SRPX: variants seen among roughly 807,000 people sequenced by gnomAD.
SRPX encodes sushi repeat containing protein X-linked, also known as sushi repeat-containing protein SRPX.
SRPX carries 24 observed loss-of-function variants against 38.1 expected under a neutral mutation model. The ratio of observed to expected loss-of-function variants is 0.63; its 90% CI spans 0.46 to 0.89. SRPX has a LOEUF of 0.89. SRPX is among the 40% of genes least tolerant of loss of function. The probability of loss-of-function intolerance (pLI) is 0.00; values close to 1 mark genes in which losing one functional copy is unlikely to be tolerated. For missense variants in SRPX, 416 were observed against 377.8 expected (o/e 1.10, Z -0.84); for synonymous variants, 184 against 153.8 (o/e 1.20, Z -1.45).
intron 4 of SRPX, among the ~76,000 whole-genome samples, chrX:38,169,362 G>GT (rs1372533457): frequency 2.7e-5 from 3 of 111,789 alleles, no homozygotes; most frequent in Non-Finnish European, 5.6e-5. Flanking sequence ...GGGTCATTGG[G>GT]TAAACCAGCT....
chrX:38,183,014 A>G (rs767387187), intron 1 of SRPX, among the ~76,000 whole-genome samples: 1 of 110,950 alleles, frequency 9.0e-6, no homozygotes, highest in South Asian at 3.8e-4. Flanking sequence ...ATATAAACTG[A>G]TACACAAATG....
chrX:38,183,274 G>A (rs113297652), intron 1 of SRPX, among the ~76,000 whole-genome samples: 1,340 of 111,409 alleles, frequency 0.012, 29 homozygotes, highest in African/African-American at 0.042. Context: ...GGCTGGTCTC[G>A]AACTAGTGAC....
At position 38,161,040 on chromosome X, in the gene SRPX, C is replaced by T. The variant is rs1341594907; in HGVS notation, c.668G>A (p.Gly223Asp). ...TGGAAAGTTGGAGCCTGGGGGGAGGCCTTTTAGAATGACACTTAGAGAAAA... is the reference window on the plus strand; with the variant it reads ...TGGAAAGTTGGAGCCTGGGGGGAGGTCTTTTAGAATGACACTTAGAGAAAA... ...DGILTDVILKGLPPGSNFPEG... is the reference protein window; with the variant it reads ...DGILTDVILKDLPPGSNFPEG... Residue 223 changes from glycine (G) to aspartate (D), a missense_variant, in exon 6 of 10, where the codon GGC becomes GAC. Gly to Asp is a moderately conservative substitution (Grantham distance 94). Coordinates refer to ENST00000378533, the MANE Select transcript of SRPX (RefSeq NM_006307.5). The T allele has an allele frequency of 9.1e-6, 11 of 1,206,373 alleles. No individual in the cohort carries two copies. The highest frequency in any genetic ancestry group is 3.0e-5 in the East Asian group (1 of 33,706).
intron 1 of SRPX, among the ~76,000 whole-genome samples, chrX:38,216,376 A>T (rs1442841654): frequency 8.8e-6 from 1 of 113,308 alleles, no homozygotes; most frequent in African/African-American, 3.2e-5. Flanking sequence ...ATGCTTCATC[A>T]TTCAGTGTTC....
At chrX:38,204,637 CT>C (rs1366416490) in intron 1 of SRPX, among the ~76,000 whole-genome samples, 4 of 111,360 alleles carry the variant, frequency 3.6e-5, no homozygotes, top group African/African-American at 6.5e-5. Context: ...TTCATCCAAG[CT>C]TTTTTTTCCC....
chrX:38,213,818 G>A (rs1412344996), intron 1 of SRPX, among the ~76,000 whole-genome samples: 1 of 111,741 alleles, frequency 8.9e-6, no homozygotes, highest in Admixed American at 9.5e-5. Context: ...GAGCAGGAGC[G>A]AGAGAGAGGA....
chrX:38,192,011 A>G (rs1415079952), intron 1 of SRPX, among the ~76,000 whole-genome samples: 1 of 111,775 alleles, frequency 8.9e-6, no homozygotes, highest in African/African-American at 3.3e-5. Flanking sequence ...TCATGGGGAA[A>G]CCTCAGGCAG....
At chrX:38,183,552 A>C (rs1006800219) in intron 1 of SRPX, among the ~76,000 whole-genome samples, 2 of 111,798 alleles carry the variant, frequency 1.8e-5, no homozygotes, top group African/African-American at 6.5e-5. Flanking sequence ...GTACTTACTA[A>C]AGCAGCAGAG....
chrX:38,198,752 G>C (rs1266252345), intron 1 of SRPX, among the ~76,000 whole-genome samples: 1 of 111,715 alleles, frequency 9.0e-6, no homozygotes, highest in Non-Finnish European at 1.9e-5. Context: ...GGATGAGAAA[G>C]GTGACTCGTT....
rs150191142 is a variant in SRPX, at chrX:38,216,102, G to A, written c.97+4594C>T. On this transcript the variant is annotated intron_variant, in intron 1 of 9. Coordinates refer to ENST00000378533, the MANE Select transcript of SRPX (RefSeq NM_006307.5). ...TGTCTCCAATTTCAAAACATTCTTA[G>A]AGAAGCCCACACATCCTCTACTTTC... 7.6e-3 allele frequency among the ~76,000 whole-genome samples: 847 copies of A among 111,877 alleles called. 5 individuals carry two copies. Among genetic ancestry groups the A allele is most frequent in the Middle Eastern group, 0.019 (4 of 215 alleles).
chrX:38,183,417 T>C (rs762726642), intron 1 of SRPX, among the ~76,000 whole-genome samples: 3 of 111,923 alleles, frequency 2.7e-5, no homozygotes, highest in Non-Finnish European at 3.8e-5. Flanking sequence ...TCAGAAAATT[T>C]CCAGTTTATT....
intron 1 of SRPX, among the ~76,000 whole-genome samples, chrX:38,206,951 A>C (rs1223794921): frequency 8.9e-6 from 1 of 112,224 alleles, no homozygotes; most frequent in East Asian, 2.8e-4. Flanking sequence ...ATGAGCTCTC[A>C]GAGACAGCCT....
chrX:38,170,498 TTC>T (rs1470863273), intron 4 of SRPX, among the ~76,000 whole-genome samples: 3 of 111,695 alleles, frequency 2.7e-5, no homozygotes, highest in Non-Finnish European at 5.6e-5. Context: ...CTTTGCCCAT[TTC>T]TCTCTTTTTT....
chrX:38,161,980 G>A (rs1298536012), intron 5 of SRPX, among the ~76,000 whole-genome samples: 3 of 112,253 alleles, frequency 2.7e-5, no homozygotes, highest in Non-Finnish European at 3.8e-5. Context: ...AGCCTTACAT[G>A]TAGGTGGGTG....
At chrX:38,192,039 G>A (rs180868126) in intron 1 of SRPX, among the ~76,000 whole-genome samples, 1 of 111,639 alleles carries the variant, frequency 9.0e-6, no homozygotes, top group East Asian at 2.8e-4. Context: ...GGCAAGTGGA[G>A]ATAATATGTT....
At position 38,171,982 on chromosome X, in the gene SRPX, C is replaced by A; in HGVS notation, c.425G>T (p.Arg142Leu). The change falls in exon 4 of 10, where the codon CGG (arginine) becomes CTG (leucine). Residue 142 changes from arginine to leucine, a missense_variant. Coordinates refer to ENST00000378533, the MANE Select transcript of SRPX (RefSeq NM_006307.5). Reference protein sequence around the residue: ...KCVDGAYFNSRCEYYCSPGYT... With the variant: ...KCVDGAYFNSLCEYYCSPGYT... Reference sequence around the variant, plus strand: ...TCCTGGTGAACAATAATACTCACACCGGGAGTTAAAGTAGGCACCATCTAC... The same window carrying A: ...TCCTGGTGAACAATAATACTCACACAGGGAGTTAAAGTAGGCACCATCTAC... The A allele has an allele frequency of 8.3e-7, 1 of 1,209,941 alleles. No homozygotes were observed. The highest frequency in any genetic ancestry group is 1.1e-6 in the Non-Finnish European group (1 of 894,542).
At chrX:38,215,063 A>G (rs1022913436) in intron 1 of SRPX, among the ~76,000 whole-genome samples, 1 of 112,142 alleles carries the variant, frequency 8.9e-6, no homozygotes, top group African/African-American at 3.2e-5. Flanking sequence ...TAAGAGTGGG[A>G]CAGAAGAAAT....
intron 1 of SRPX, among the ~76,000 whole-genome samples, chrX:38,199,699 G>T (rs1225267649): frequency 9.2e-6 from 1 of 109,045 alleles, no homozygotes; most frequent in East Asian, 2.9e-4. Flanking sequence ...TTCCTAGAGC[G>T]TGAGCAGGAT....
At chrX:38,181,874 A>G (rs1022278580) in intron 1 of SRPX, among the ~76,000 whole-genome samples, 2 of 111,200 alleles carry the variant, frequency 1.8e-5, no homozygotes, top group African/African-American at 6.6e-5. Context: ...TCTACCCACA[A>G]GTCTTTTGTA....
Sources: gnomAD v4.1 joint callset for allele counts (sites outside exome capture counted in the v4.1 genomes callset) on GRCh38, gnomAD v4.1.1 for gene constraint, MANE v1.5 for transcripts, NCBI Gene and HGNC (gene_info 2026-07-23, HGNC 2026-07-21) for gene names.